EEF2K: variants seen among roughly 807,000 people sequenced by gnomAD.
EEF2K encodes eukaryotic elongation factor 2 kinase, also known as alternative protein EEF2K.
Under a neutral mutation model 93.8 loss-of-function variants are expected in EEF2K, and 70 were observed. The ratio of observed to expected loss-of-function variants is 0.75; its 90% CI spans 0.62 to 0.91. EEF2K has a LOEUF of 0.91. EEF2K is among the 40% of genes least tolerant of loss of function. The pLI, the probability that EEF2K is intolerant of heterozygous loss-of-function variation, is 0.00. For missense variants in EEF2K, 935 were observed against 972.9 expected (o/e 0.96, Z 0.52); for synonymous variants, 376 against 380.8 (o/e 0.99, Z 0.15).
chr16:22,247,365 T>G (rs1236028002), intron 3 of EEF2K, among the ~76,000 whole-genome samples: 1 of 151,750 alleles, frequency 6.6e-6, no homozygotes, highest in Non-Finnish European at 1.5e-5. Flanking sequence ...GGAGAACTGC[T>G]TGAACCCAAG....
rs953689970 is a variant in EEF2K at position 22,286,667 on chromosome 16, C to G, written c.*2671C>G. 1 of 152,222 alleles carries G rather than the reference C, an allele frequency of 6.6e-6. No homozygotes were observed. The highest frequency in any genetic ancestry group is 1.5e-5 in the Non-Finnish European group (1 of 68,040). 9.4% of individuals were successfully genotyped at this position (152,222 alleles called of 1,614,324 possible). ...CCTTTTGGGCTGTAGTTTGTCAACC[C>G]TTGCTCTAACCCTTGACTGAGAGCT... On this transcript the variant is annotated 3_prime_UTR_variant, in exon 18 of 18. Transcript: ENST00000263026.
chr16:22,269,270 T>A (rs997470031), intron 15 of EEF2K, among the ~76,000 whole-genome samples: 2 of 152,128 alleles, frequency 1.3e-5, no homozygotes, highest in Admixed American at 1.3e-4. Context: ...TCTTCAGCGT[T>A]CTTGGCTTGG....
intron 1 of EEF2K, among the ~76,000 whole-genome samples, chr16:22,220,942 T>C (rs1363718416): frequency 6.6e-6 from 1 of 152,180 alleles, no homozygotes; most frequent in Non-Finnish European, 1.5e-5. Flanking sequence ...GAGTAGGCGC[T>C]GGGGCTGGGA....
At chr16:22,216,734 A>G (rs975462120) in intron 1 of EEF2K, among the ~76,000 whole-genome samples, 3 of 152,124 alleles carry the variant, frequency 2.0e-5, no homozygotes, top group Non-Finnish European at 2.9e-5. Context: ...TCTGTAATAA[A>G]TAAATAAAGG....
chr16:22,281,979 T>G (rs2047697941), intron 17 of EEF2K, among the ~76,000 whole-genome samples: 1 of 152,124 alleles, frequency 6.6e-6, no homozygotes, highest in Admixed American at 6.6e-5. Context: ...CTAAAAAAAT[T>G]GCTGGGCACA....
chr16:22,224,987 G>A (rs189915128), intron 1 of EEF2K, among the ~76,000 whole-genome samples: 1 of 152,136 alleles, frequency 6.6e-6, no homozygotes, highest in East Asian at 1.9e-4. Flanking sequence ...AGAAAGAAAT[G>A]GAACGGGGTG....
At chr16:22,217,228 T>TAGAGAGAG (rs146522060) in intron 1 of EEF2K, among the ~76,000 whole-genome samples, 130 of 136,092 alleles carry the variant, frequency 9.6e-4, no homozygotes, top group South Asian at 8.4e-3. Flanking sequence ...GATAGATAGA[T>TAGAGAGAG]AGAGAGAGAG....
chr16:22,226,325 CTTT>C (rs935058417), intron 2 of EEF2K, among the ~76,000 whole-genome samples: 4 of 63,646 alleles, frequency 6.3e-5, no homozygotes, highest in Non-Finnish European at 6.4e-5. Flanking sequence ...AGGTGCTGTT[CTTT>C]TTTTTTTTTT....
chr16:22,229,743 A>G (rs971732967), intron 2 of EEF2K, among the ~76,000 whole-genome samples: 1 of 152,098 alleles, frequency 6.6e-6, no homozygotes, highest in Non-Finnish European at 1.5e-5. Flanking sequence ...TGGACTTTTT[A>G]TAATAACTGG....
chr16:22,283,823 G>T, intron 17 of EEF2K, 64 bp from the exon 18 acceptor site: 2 of 1,471,794 alleles, frequency 1.4e-6, no homozygotes. Flanking sequence ...GGTGATGGGG[G>T]ACACTGGGCT....
chr16:22,259,635 A>G (rs1329681691), intron 10 of EEF2K, among the ~76,000 whole-genome samples: 1 of 152,204 alleles, frequency 6.6e-6, no homozygotes, highest in Non-Finnish European at 1.5e-5. Flanking sequence ...AATTTTTGTC[A>G]TCCATTTAAA....
intron 2 of EEF2K, 84 bp downstream of exon 2, chr16:22,226,059 C>A: frequency 6.4e-7 from 1 of 1,560,120 alleles, no homozygotes; most frequent in Non-Finnish European, 8.7e-7. Context: ...TTGGGGACTT[C>A]TTCGTATTTC....
At chr16:22,237,133 G>A (rs150526566) in intron 2 of EEF2K, among the ~76,000 whole-genome samples, 2,257 of 150,528 alleles carry the variant, frequency 0.015, 57 homozygotes, top group African/African-American at 0.05. Flanking sequence ...TTTGTAGAGA[G>A]GGGGTTTCAC....
chr16:22,268,492 G>A (rs28483506), intron 15 of EEF2K, among the ~76,000 whole-genome samples: 3,192 of 151,768 alleles, frequency 0.021, 121 homozygotes, highest in African/African-American at 0.072. Flanking sequence ...TTAGAGACAG[G>A]TTCTCACTCT....
rs1425134898 is a variant in EEF2K, at chr16:22,287,026, A to G, written c.*3030A>G. The G allele has an allele frequency of 6.6e-6, 1 of 152,268 alleles. No individual in the cohort carries two copies. 9.4% of individuals were successfully genotyped at this position (152,268 alleles called of 1,614,324 possible). A position where few individuals can be genotyped will look rare whatever the true frequency, so the allele number is the denominator to read the frequency against. ...TTAAGGGCCCTTAAAAGTGAAAAGT[A>G]ACTTGCAAGAGGTTGAGATCCTTCT... On this transcript the variant is annotated 3_prime_UTR_variant, in exon 18 of 18. Coordinates refer to ENST00000263026, the MANE Select transcript of EEF2K (RefSeq NM_013302.5).
chr16:22,237,402 C>T (rs1421289823), intron 2 of EEF2K, among the ~76,000 whole-genome samples: 1 of 151,922 alleles, frequency 6.6e-6, no homozygotes, highest in African/African-American at 2.4e-5. Context: ...CTTTGGGAGG[C>T]CAAGACAGGT....
At chr16:22,273,591 A>G (rs1400669436) in intron 15 of EEF2K, 35 bp from the exon 16 acceptor site, 1 of 1,610,764 alleles carries the variant, frequency 6.2e-7, no homozygotes. Context: ...AGCCTCATTC[A>G]CTCTTCTTTC....
chr16:22,275,508 A>G (rs777454946), intron 16 of EEF2K, among the ~76,000 whole-genome samples: 92 of 151,358 alleles, frequency 6.1e-4, no homozygotes, highest in Middle Eastern at 3.4e-3. Context: ...GTACCCGGCT[A>G]ATTTTTATAT....
At chr16:22,223,622 T>C (rs2047036095) in intron 1 of EEF2K, among the ~76,000 whole-genome samples, 1 of 152,208 alleles carries the variant, frequency 6.6e-6, no homozygotes, top group South Asian at 2.1e-4. Context: ...CCTTCCCTGT[T>C]GAATCATCTT....
Sources: gnomAD v4.1 joint callset for allele counts (sites outside exome capture counted in the v4.1 genomes callset) on GRCh38, gnomAD v4.1.1 for gene constraint, MANE v1.5 for transcripts, NCBI Gene and HGNC (gene_info 2026-07-23, HGNC 2026-07-21) for gene names.